The following KCNH7 variants were observed in gnomAD, a reference collection of about 807,000 sequenced individuals.
KCNH7 encodes the protein potassium voltage-gated channel subfamily H member 7, also known as voltage-gated inwardly rectifying potassium channel KCNH7.
In KCNH7, 49 loss-of-function variants were observed where a neutral mutation model predicts 120.8. That is an observed-to-expected ratio of 0.41 (90% CI 0.32 to 0.51). The LOEUF (loss-of-function observed/expected upper bound fraction) is 0.51, where lower values mean the gene tolerates loss of function less well. KCNH7 is among the 20% of genes least tolerant of loss of function. The probability of loss-of-function intolerance (pLI) is 0.38; values close to 1 mark genes in which losing one functional copy is unlikely to be tolerated. For synonymous variants in KCNH7, 547 were observed against 516.1 expected (o/e 1.06, Z -0.81); for missense variants, 1,097 against 1,446.6 (o/e 0.76, Z 3.92).
intron 2 of KCNH7, among the ~76,000 whole-genome samples, chr2:162,737,080 T>C (rs2105402207): frequency 6.6e-6 from 1 of 152,262 alleles, no homozygotes; most frequent in East Asian, 1.9e-4. Flanking sequence ...ATTTTGATCT[T>C]CTCCTAAACT....
chr2:162,724,628 C>T (rs1439784771), intron 2 of KCNH7, among the ~76,000 whole-genome samples: 1 of 146,660 alleles, frequency 6.8e-6, no homozygotes, highest in Admixed American at 6.7e-5. Flanking sequence ...GCCGAGATCG[C>T]GCCACTGCAC....
At chr2:162,745,504 A>G (rs1323718082) in intron 2 of KCNH7, among the ~76,000 whole-genome samples, 1 of 152,182 alleles carries the variant, frequency 6.6e-6, no homozygotes, top group East Asian at 1.9e-4. Context: ...TAGTTTGAAA[A>G]TAAAAATCAT....
chr2:162,505,558 G>C (rs927543460), intron 5 of KCNH7, among the ~76,000 whole-genome samples: 2 of 151,896 alleles, frequency 1.3e-5, no homozygotes, highest in Admixed American at 1.3e-4. Flanking sequence ...CTGACCAGCT[G>C]TATCTTCCTT....
chr2:162,755,533 T>C (rs1425934050), intron 2 of KCNH7, among the ~76,000 whole-genome samples: 1 of 152,064 alleles, frequency 6.6e-6, no homozygotes, highest in African/African-American at 2.4e-5. Flanking sequence ...TTAATGTAGT[T>C]TGTTTACCCA....
intron 2 of KCNH7, among the ~76,000 whole-genome samples, chr2:162,752,974 A>AAAAGAAAAGAAAAGAAAAG (rs1688641186): frequency 8.4e-6 from 1 of 119,238 alleles, no homozygotes; most frequent in African/African-American, 4.8e-5. Context: ...AAAAGAAAAG[A>AAAAGAAAAGAAAAGAAAAG]AAAGAAAAGA....
At chr2:162,757,952 G>C (rs1241934446) in intron 2 of KCNH7, among the ~76,000 whole-genome samples, 2 of 152,036 alleles carry the variant, frequency 1.3e-5, no homozygotes, top group East Asian at 3.9e-4. Flanking sequence ...CACTGTACTT[G>C]GGCAGAACCA....
At chr2:162,729,901 T>C (rs1189658372) in intron 2 of KCNH7, among the ~76,000 whole-genome samples, 1 of 152,074 alleles carries the variant, frequency 6.6e-6, no homozygotes, top group African/African-American at 2.4e-5. Context: ...CTTCATCTCC[T>C]GAGATGATCA....
chr2:162,770,031 T>C (rs1682984925), intron 2 of KCNH7, among the ~76,000 whole-genome samples: 1 of 152,124 alleles, frequency 6.6e-6, no homozygotes. Context: ...TAGGAGCTTT[T>C]AAACTTTAAA....
At chr2:162,673,556 T>A (rs559129897) in intron 2 of KCNH7, among the ~76,000 whole-genome samples, 13 of 152,230 alleles carry the variant, frequency 8.5e-5, no homozygotes, top group South Asian at 4.1e-4. Context: ...CCATGCCCAA[T>A]TGCATGATTT....
intron 2 of KCNH7, among the ~76,000 whole-genome samples, chr2:162,643,875 T>G (rs1684256691): frequency 6.6e-6 from 1 of 150,450 alleles, no homozygotes; most frequent in South Asian, 2.1e-4. Flanking sequence ...ACTGATATAT[T>G]AGTAGGTAAG....
intron 2 of KCNH7, among the ~76,000 whole-genome samples, chr2:162,583,452 T>C (rs535767985): frequency 1.3e-5 from 2 of 152,208 alleles, no homozygotes; most frequent in Admixed American, 1.3e-4. Flanking sequence ...AAGTTGAAAT[T>C]CACTAAACTA....
At chr2:162,650,190 G>A (rs895536209) in intron 2 of KCNH7, among the ~76,000 whole-genome samples, 1 of 152,092 alleles carries the variant, frequency 6.6e-6, no homozygotes, top group Non-Finnish European at 1.5e-5. Context: ...AATTTGGAAG[G>A]TCTTTAGAGA....
At chr2:162,649,672 C>G (rs1684498853) in intron 2 of KCNH7, among the ~76,000 whole-genome samples, 1 of 151,246 alleles carries the variant, frequency 6.6e-6, no homozygotes, top group Admixed American at 6.6e-5. Flanking sequence ...GATCTGTTGC[C>G]ATTGTATACT....
rs190124560 is a variant in KCNH7 at position 162,573,398 on chromosome 2, A to G, written c.308-36318T>C. On this transcript the variant is annotated intron_variant, in intron 2 of 15. Transcript: ENST00000332142. ...ATGAAAGATATACAAAAATGAATAA[A>G]AAGTTTGATGTAATAAAAGTAATAC... 4.6e-5 allele frequency among the ~76,000 whole-genome samples: 7 copies of G among 152,174 alleles called. No homozygotes were observed. In the East Asian group the frequency reaches 1.4e-3, roughly 30 times the overall value.
intron 2 of KCNH7, among the ~76,000 whole-genome samples, chr2:162,694,296 A>G (rs910021389): frequency 6.6e-6 from 1 of 152,194 alleles, no homozygotes; most frequent in Admixed American, 6.5e-5. Flanking sequence ...TGCCATTGAG[A>G]AAGATATCTG....
intron 7 of KCNH7, among the ~76,000 whole-genome samples, chr2:162,436,642 A>G (rs773698291): frequency 5.3e-5 from 8 of 152,176 alleles, no homozygotes; most frequent in Non-Finnish European, 1.0e-4. Context: ...TTACCAATCA[A>G]TTATTGAGTT....
At chr2:162,553,368 C>T (rs1029049973) in intron 2 of KCNH7, among the ~76,000 whole-genome samples, 2 of 152,168 alleles carry the variant, frequency 1.3e-5, no homozygotes, top group African/African-American at 4.8e-5. Flanking sequence ...TAACATGCTG[C>T]TGTTCAGAAG....
intron 9 of KCNH7, among the ~76,000 whole-genome samples, chr2:162,415,343 A>ATTT (rs1185199237): frequency 1.3e-5 from 2 of 152,108 alleles, no homozygotes; most frequent in African/African-American, 4.8e-5. Flanking sequence ...ACCAGCACAG[A>ATTT]AGATGCTTCC....
At chr2:162,809,300 C>T (rs1684651026) in intron 2 of KCNH7, among the ~76,000 whole-genome samples, 1 of 152,162 alleles carries the variant, frequency 6.6e-6, no homozygotes, top group South Asian at 2.1e-4. Flanking sequence ...CAGTTTAAGT[C>T]ATAGGTCTGT....
Sources: allele counts gnomAD v4.1 joint callset (sites outside exome capture counted in the v4.1 genomes callset), GRCh38; gene constraint gnomAD v4.1.1; transcripts MANE v1.5; gene names NCBI Gene and HGNC (gene_info 2026-07-23, HGNC 2026-07-21).